Variants in CDH12 observed in about 807,000 individuals in gnomAD.
The protein encoded by CDH12 is cadherin-12.
A neutral mutation model predicts 74.1 loss-of-function variants in CDH12; 41 were observed. The observed-to-expected ratio is 0.55, with a 90% CI of 0.43 to 0.72. The LOEUF is 0.72. Ranked by LOEUF, CDH12 falls within the 30% of genes least tolerant of loss-of-function variation. The pLI is 0.00. For missense variants in CDH12, 945 were observed against 977.2 expected (o/e 0.97, Z 0.44); for synonymous variants, 399 against 355.0 (o/e 1.12, Z -1.39).
intron 3 of CDH12, among the ~76,000 whole-genome samples, chr5:22,269,319 T>G (rs374817764): frequency 6.6e-6 from 1 of 152,148 alleles, no homozygotes; most frequent in African/African-American, 2.4e-5. Context: ...CCAAAATCCA[T>G]TGTTATCAGT....
intron 8 of CDH12, among the ~76,000 whole-genome samples, chr5:21,840,938 T>C (rs1749808516): frequency 6.6e-6 from 1 of 152,084 alleles, no homozygotes; most frequent in South Asian, 2.1e-4. Flanking sequence ...ATTCAGGACA[T>C]AGGCATGGGT....
intron 3 of CDH12, among the ~76,000 whole-genome samples, chr5:22,292,155 G>T (rs1160034643): frequency 6.6e-6 from 1 of 151,968 alleles, no homozygotes; most frequent in East Asian, 1.9e-4. Flanking sequence ...GCATTTAGAA[G>T]AATGAAATTA....
At chr5:22,544,953 T>G (rs1264472931) in intron 1 of CDH12, among the ~76,000 whole-genome samples, 3 of 151,184 alleles carry the variant, frequency 2.0e-5, no homozygotes, top group African/African-American at 7.2e-5. Context: ...CAATATAAAC[T>G]ATATTCTAGT....
chr5:22,347,993 C>T (rs993610079), intron 3 of CDH12, among the ~76,000 whole-genome samples: 1 of 152,130 alleles, frequency 6.6e-6, no homozygotes, highest in Non-Finnish European at 1.5e-5. Context: ...TTTTGGCTCT[C>T]CTCCAGGACG....
chr5:22,204,162 G>GGTTTTTTTTT (rs1554020485), intron 4 of CDH12, among the ~76,000 whole-genome samples: 5 of 129,840 alleles, frequency 3.9e-5, no homozygotes, highest in Non-Finnish European at 5.2e-5. Flanking sequence ...TGTTTTGTTT[G>GGTTTTTTTTT]TTTTTTTTTT....
At chr5:21,982,902 G>C (rs1757370958) in intron 5 of CDH12, among the ~76,000 whole-genome samples, 1 of 151,384 alleles carries the variant, frequency 6.6e-6, no homozygotes, top group South Asian at 2.1e-4. Flanking sequence ...GTCTGTTAGT[G>C]GTTTTATTTA....
chr5:22,722,541 C>T (rs879637321), intron 1 of CDH12, among the ~76,000 whole-genome samples: 17 of 152,262 alleles, frequency 1.1e-4, no homozygotes, highest in Non-Finnish European at 1.9e-4. Flanking sequence ...ATATAAATCT[C>T]ATGTCAGGGC....
chr5:21,899,708 T>C (rs917546285), intron 6 of CDH12, among the ~76,000 whole-genome samples: 1 of 142,996 alleles, frequency 7.0e-6, no homozygotes, highest in African/African-American at 2.5e-5. Flanking sequence ...TTGAGAAAGT[T>C]ATTTAAAAGG....
intron 3 of CDH12, among the ~76,000 whole-genome samples, chr5:22,303,010 T>C (rs1399614012): frequency 3.3e-5 from 5 of 152,170 alleles, no homozygotes; most frequent in Admixed American, 6.5e-5. Context: ...TTGGCTAATA[T>C]CTGTTTTAAA....
chr5:22,103,488 A>T (rs935274209), intron 4 of CDH12, among the ~76,000 whole-genome samples: 4 of 152,188 alleles, frequency 2.6e-5, no homozygotes, highest in Non-Finnish European at 5.9e-5. Context: ...CACGTAGATG[A>T]ATATTGACTT....
intron 1 of CDH12, among the ~76,000 whole-genome samples, chr5:22,597,093 T>C (rs1310832945): frequency 6.6e-6 from 1 of 152,142 alleles, no homozygotes; most frequent in Non-Finnish European, 1.5e-5. Context: ...AACAGGCACC[T>C]CTCTCTCCAC....
chr5:21,785,591 C>T (rs946761102), intron 10 of CDH12, among the ~76,000 whole-genome samples: 3 of 152,108 alleles, frequency 2.0e-5, no homozygotes, highest in Admixed American at 6.6e-5. Flanking sequence ...GAAACTTTAG[C>T]GGTCTGGATA....
At chr5:22,450,994 C>G (rs554767460) in intron 2 of CDH12, among the ~76,000 whole-genome samples, 1 of 150,944 alleles carries the variant, frequency 6.6e-6, no homozygotes, top group African/African-American at 2.4e-5. Flanking sequence ...TTTTAGATCT[C>G]AGATCCAAGT....
intron 1 of CDH12, among the ~76,000 whole-genome samples, chr5:22,685,452 G>T (rs1741727997): frequency 6.6e-6 from 1 of 152,154 alleles, no homozygotes; most frequent in Non-Finnish European, 1.5e-5. Flanking sequence ...CGGCCAGGAT[G>T]GTCTCGATCT....
intron 3 of CDH12, among the ~76,000 whole-genome samples, chr5:22,360,677 C>T (rs1740762326): frequency 6.6e-6 from 1 of 151,976 alleles, no homozygotes; most frequent in Admixed American, 6.6e-5. Flanking sequence ...TGCAAAAATC[C>T]TCAATAAAAT....
At chr5:22,848,904 T>G (rs933195873) in intron 1 of CDH12, among the ~76,000 whole-genome samples, 5 of 152,162 alleles carry the variant, frequency 3.3e-5, no homozygotes, top group Non-Finnish European at 5.9e-5. Flanking sequence ...TACGTAAGTG[T>G]GGATTTTTTT....
intron 4 of CDH12, among the ~76,000 whole-genome samples, chr5:22,186,131 A>C (rs201687805): frequency 6.6e-6 from 1 of 152,336 alleles, no homozygotes; most frequent in East Asian, 1.9e-4. Context: ...ATTATTAAGA[A>C]TCTTAATTTT....
intron 1 of CDH12, among the ~76,000 whole-genome samples, chr5:22,538,138 C>T (rs1236024965): frequency 6.6e-6 from 1 of 152,140 alleles, no homozygotes; most frequent in Non-Finnish European, 1.5e-5. Context: ...TTCTTCACCC[C>T]AAGTGCATTC....
At chr5:22,040,888 T>C (rs1739525925) in intron 5 of CDH12, among the ~76,000 whole-genome samples, 1 of 152,098 alleles carries the variant, frequency 6.6e-6, no homozygotes, top group African/African-American at 2.4e-5. Flanking sequence ...AGTAAATATG[T>C]GGCCAAATTG....
Sources: gnomAD v4.1 joint callset for allele counts (sites outside exome capture counted in the v4.1 genomes callset) on GRCh38, gnomAD v4.1.1 for gene constraint, MANE v1.5 for transcripts, NCBI Gene and HGNC (gene_info 2026-07-23, HGNC 2026-07-21) for gene names.